Variants in IDS observed in about 807,000 individuals in gnomAD.
The protein encoded by IDS is iduronate 2-sulfatase.
A neutral mutation model predicts 33.5 loss-of-function variants in IDS; 1 was observed. The ratio of observed to expected loss-of-function variants is 0.03; its 90% CI spans 0.01 to 0.14. The LOEUF is 0.14. IDS is among the 10% of genes least tolerant of loss of function. The probability of loss-of-function intolerance (pLI) is 1.00; values close to 1 mark genes in which losing one functional copy is unlikely to be tolerated. For missense variants in IDS, 328 were observed against 448.0 expected, an observed-to-expected ratio of 0.73 and a Z score of 2.42; for synonymous variants, 191 against 184.4, an observed-to-expected ratio of 1.04 and a Z score of -0.29.
At chrX:149,495,896 C>T (rs2089432379) in intron 6 of IDS, among the ~76,000 whole-genome samples, 1 of 112,356 alleles carries the variant, frequency 8.9e-6, no homozygotes, top group African/African-American at 3.2e-5. Context: ...GTTCACCAAG[C>T]CACCCCCTGA....
chrX:149,495,101 T>C (rs782646540), intron 6 of IDS, among the ~76,000 whole-genome samples: 5 of 112,004 alleles, frequency 4.5e-5, no homozygotes, highest in Non-Finnish European at 7.5e-5. Context: ...CACACATGAA[T>C]CAGCGCCCTT....
rs1278333212 is a variant in IDS at position 149,505,275 on chromosome X, CCGCAGGCCCGGG to C, written c.-150_-139del. On this transcript the variant is annotated 5_prime_UTR_variant, in exon 1 of 9. Coordinates refer to ENST00000340855, the MANE Select transcript of IDS (RefSeq NM_000202.8). ...TGCGCAACACAGCCGCCGCCCGGGC[CCGCAGGCCCGGG>C]CGCTGGCCGCAGCGCGAGTGCGTCC... is the stretch of plus-strand genomic sequence containing the variant. 4 of 334,724 alleles carry C rather than the reference CCGCAGGCCCGGG, an allele frequency of 1.2e-5. No individual in the cohort carries two copies. Among genetic ancestry groups the C allele is most frequent in the South Asian group, 1.2e-4 (1 of 8,044 alleles). The allele number at this position is 334,724 out of a possible 1,213,427, so 27.6% of individuals were successfully genotyped here.
In IDS at chrX:149,487,069, C is replaced by T; in HGVS notation, c.1036G>A (p.Ala346Thr). ...GWALGEHGEW[A>T]KYSNFDVATH... ...GCAACATCAAAATTGCTGTATTTGG[C>T]CCATTCTCCATGTTCACCTAGAGCC... Residue 346 changes from alanine (A) to threonine (T), a missense_variant, in exon 8 of 9, where the codon GCC (alanine) becomes ACC (threonine). Ala to Thr is a moderately conservative substitution (Grantham distance 58, BLOSUM62 0). This residue lies in a region of IDS where 265 missense variants were observed against 339.2 expected (regional missense o/e 0.78). Coordinates refer to ENST00000340855, the MANE Select transcript of IDS (RefSeq NM_000202.8). The T allele has an allele frequency of 8.3e-7, 1 of 1,211,289 alleles. No individual in the cohort carries two copies. The highest frequency in any genetic ancestry group is 2.3e-4 in the Middle Eastern group (1 of 4,346).
intron 3 of IDS, 45 bp from the exon 4 acceptor site, chrX:149,501,082 C>T (rs2089476999): frequency 1.3e-6 from 1 of 770,889 alleles, no homozygotes; most frequent in Non-Finnish European, 2.0e-6. Flanking sequence ...AGTCTTTCAA[C>T]ACCCCACTCC....
chrX:149,493,905 CA>C (rs2089414365), intron 6 of IDS, among the ~76,000 whole-genome samples: 1 of 111,558 alleles, frequency 9.0e-6, no homozygotes, highest in Non-Finnish European at 1.9e-5. Flanking sequence ...GGCTGTCCAC[CA>C]GCTTCCATTT....
At chrX:149,487,313 C>A in intron 7 of IDS, 2 of 1,181,242 alleles carry the variant, frequency 1.7e-6, no homozygotes, top group African/African-American at 1.7e-5. Flanking sequence ...CATGAGGAAA[C>A]CTTTAAAAAA....
rs1227669625 is a variant in IDS, at chrX:149,490,414, G to C, written c.906C>G (p.Ala302=). 3 of 1,209,351 alleles carry C rather than the reference G, an allele frequency of 2.5e-6. No homozygotes were observed. The highest frequency in any genetic ancestry group is 3.4e-6 in the Non-Finnish European group (3 of 894,675). ...FQRKIRQSYF[A]SVSYLDTQVG... ...CCTGTGTATCCAAATATGACACAGA[G>C]GCAAAGTAGCTCTGGCGGATTTTCC... The change falls in exon 7 of 9, where the codon GCC becomes GCG. Residue 302 remains alanine (A), a synonymous_variant. Coordinates refer to ENST00000340855, the MANE Select transcript of IDS (RefSeq NM_000202.8).
At position 149,505,171 on chromosome X, in the gene IDS, G is replaced by C; in HGVS notation, c.-34C>G. On this transcript the variant is annotated 5_prime_UTR_variant, in exon 1 of 9. Coordinates refer to ENST00000340855, the MANE Select transcript of IDS (RefSeq NM_000202.8). ...CGACGCGGCCGCTTCAGAGCGGCGG[G>C]GACAGGCTGCAGCAGGTGGCGCAGT... The C allele has an allele frequency of 9.3e-7, 1 of 1,072,932 alleles. No individual in the cohort carries two copies. The highest frequency in any genetic ancestry group is 2.0e-5 in the South Asian group (1 of 50,559). The allele number at this position is 1,072,932 out of a possible 1,213,427, so 88.4% of individuals were successfully genotyped here.
chrX:149,482,533 T>A lies in IDS; in HGVS notation c.*213A>T. 1 of 477,210 alleles carries A rather than the reference T, an allele frequency of 2.1e-6. No homozygotes were observed. The highest frequency in any genetic ancestry group is 3.4e-6 in the Non-Finnish European group (1 of 294,916). 39.3% of individuals were successfully genotyped at this position (477,210 alleles called of 1,213,427 possible). ...AAAAGAGGGAAATTAAAAAAAAAAC[T>A]GGTCCAATTACCAATTATAAATTTT... On this transcript the variant is annotated 3_prime_UTR_variant, in exon 9 of 9. Transcript: ENST00000340855.
chrX:149,483,187 C>G lies in IDS; in HGVS notation c.1212G>C (p.Val404=), dbSNP rs2123995105. ...GRQSMDLVEL[V]SLFPTLAGLA... is the part of the protein sequence containing the mutation. ...GTCCAGCCAGCGTGGGAAAAAGAGA[C>G]ACAAGTTCCACAAGGTCCATGGATT... Residue 404 remains valine, a synonymous_variant, in exon 9 of 9, where the codon GTG becomes GTC. Transcript: ENST00000340855. The G allele has an allele frequency of 1.7e-6, 2 of 1,210,368 alleles. No individual in the cohort carries two copies. Among genetic ancestry groups the G allele is most frequent in the African/African-American group, 3.5e-5 (2 of 57,618 alleles).
chrX:149,489,858 T>C (rs1450153053), intron 7 of IDS, among the ~76,000 whole-genome samples: 1 of 110,339 alleles, frequency 9.1e-6, no homozygotes, highest in Non-Finnish European at 1.9e-5. Flanking sequence ...TAGGGGGAGA[T>C]AAAGACTTGA....
chrX:149,498,621 T>C (rs1406887368), intron 4 of IDS, among the ~76,000 whole-genome samples: 1 of 112,520 alleles, frequency 8.9e-6, no homozygotes, highest in Admixed American at 9.4e-5. Context: ...AAATGCCAAT[T>C]AAAAATGGGC....
Position 149,496,450 on chromosome X carries a change from G to A in IDS, c.775C>T (p.Leu259=). The A allele has an allele frequency of 2.5e-6, 3 of 1,210,324 alleles. No homozygotes were observed. The South Asian group carries it at 5.3e-5, about 21-fold the overall frequency. Residue 259 remains leucine (L), a synonymous_variant, in exon 6 of 9, where the codon CTA becomes TTA. Coordinates refer to ENST00000340855, the MANE Select transcript of IDS (RefSeq NM_000202.8). ...CAGGGGTTGTAGGCCACAGGGGGTA[G>A]GCCATCAGGGACCTCGGGATCGGGG... ...LAPDPEVPDG[L]PPVAYNPWMD...
In IDS at chrX:149,480,843, C is replaced by T. The variant is rs1226935707; in HGVS notation, c.*1903G>A. 1 of 112,413 alleles carries T rather than the reference C, an allele frequency of 8.9e-6. No individual in the cohort carries two copies. The highest frequency in any genetic ancestry group is 1.9e-5 in the Non-Finnish European group (1 of 53,549). The allele number at this position is 112,413 out of a possible 1,213,427, so 9.3% of individuals were successfully genotyped here. A position where few individuals can be genotyped will look rare whatever the true frequency, so the allele number is the denominator to read the frequency against. Reference sequence around the variant, plus strand: ...CTGATGCTCCCTCATGTTTGTGAGCCACTGAATGAGGGCCATGCAAAATGT... The same window carrying T: ...CTGATGCTCCCTCATGTTTGTGAGCTACTGAATGAGGGCCATGCAAAATGT... On this transcript the variant is annotated 3_prime_UTR_variant, in exon 9 of 9. Transcript: ENST00000340855.
chrX:149,490,592 C>G, intron 6 of IDS, 152 bp from the exon 7 acceptor site: 1 of 565,620 alleles, frequency 1.8e-6, no homozygotes, highest in Non-Finnish European at 3.0e-6. Context: ...CACTCCTTTC[C>G]CTACCATCAG....
chrX:149,491,903 G>A (rs782168163), intron 6 of IDS, among the ~76,000 whole-genome samples: 6 of 112,411 alleles, frequency 5.3e-5, no homozygotes, highest in African/African-American at 1.9e-4. Flanking sequence ...TCAGACACAG[G>A]TATGCAGCAT....
In IDS at chrX:149,482,519, A is replaced by AT; in HGVS notation, c.*226dup. 2 of 430,435 alleles carry AT rather than the reference A, an allele frequency of 4.6e-6. No homozygotes were observed. The highest frequency in any genetic ancestry group is 2.7e-5 in the African/African-American group (1 of 36,457). 35.5% of individuals were successfully genotyped at this position (430,435 alleles called of 1,213,427 possible). A position where few individuals can be genotyped will look rare whatever the true frequency, so the allele number is the denominator to read the frequency against. On this transcript the variant is annotated 3_prime_UTR_variant, in exon 9 of 9. Transcript: ENST00000340855. ...CCGTAACTGTTTTAAAAAGAGGGAA[A>AT]TTAAAAAAAAAACTGGTCCAATTAC...
chrX:149,505,078 G>A lies in IDS; in HGVS notation c.60C>T (p.Val20=), dbSNP rs781858789. 5.8e-6 allele frequency: 7 copies of A among 1,209,688 alleles called. No individual in the cohort carries two copies. Among genetic ancestry groups the A allele is most frequent in the Non-Finnish European group, 7.8e-6 (7 of 893,810 alleles). The part of the protein sequence containing the change: ...LLWLGLVLSS[V]CVALGSETQA... ...GCGTTTCGGATCCGAGGGCGACGCA[G>A]ACGGAGCTCAGAACCAGACCCAGCC... Residue 20 remains valine, a synonymous_variant, in exon 1 of 9, where the codon GTC becomes GTT. Transcript: ENST00000340855.
chrX:149,484,467 A>G (rs1309867159), intron 8 of IDS, among the ~76,000 whole-genome samples: 6 of 112,054 alleles, frequency 5.4e-5, no homozygotes, highest in Non-Finnish European at 7.5e-5. Flanking sequence ...GATTACAGGC[A>G]TGCACCGCCA....
Sources: allele counts gnomAD v4.1 joint callset (sites outside exome capture counted in the v4.1 genomes callset), GRCh38; gene constraint gnomAD v4.1.1; regional missense constraint gnomAD v4.1.1; transcripts MANE v1.5; gene names NCBI Gene and HGNC (gene_info 2026-07-23, HGNC 2026-07-21).